The following CCNY variants were observed in gnomAD, a reference collection of about 807,000 sequenced individuals.
CCNY encodes cyclin-Y.
A neutral mutation model predicts 42.8 loss-of-function variants in CCNY; 19 were observed. The ratio of observed to expected loss-of-function variants is 0.44; its 90% CI spans 0.31 to 0.65. The LOEUF (loss-of-function observed/expected upper bound fraction) is 0.65, where lower values mean the gene tolerates loss of function less well. Ranked by LOEUF, CCNY falls within the 30% of genes least tolerant of loss-of-function variation. The probability of loss-of-function intolerance (pLI) is 0.07; values close to 1 mark genes in which losing one functional copy is unlikely to be tolerated. For missense variants in CCNY, 370 were observed against 437.3 expected (o/e 0.85, Z 1.37); for synonymous variants, 165 against 162.7 (o/e 1.01, Z -0.11).
intron 1 of CCNY, chr10:35,449,936 A>C: frequency 3.7e-6 from 1 of 271,588 alleles, no homozygotes; most frequent in Non-Finnish European, 5.6e-6. Context: ...CGGTGGGACC[A>C]GTCAGCAGGA....
At chr10:35,267,164 CG>C (rs2095726405) in intron 3 of CCNY, among the ~76,000 whole-genome samples, 1 of 151,210 alleles carries the variant, frequency 6.6e-6, no homozygotes, top group Admixed American at 6.6e-5. Context: ...CATTCCAGGA[CG>C]GGTGCAGAGT....
At chr10:35,553,281 A>C (rs1233852597) in intron 8 of CCNY, 96 bp downstream of exon 8, 7 of 1,183,346 alleles carry the variant, frequency 5.9e-6, no homozygotes, top group Non-Finnish European at 7.0e-6. Flanking sequence ...TATAGCGCAG[A>C]ATGCATGCAT....
rs141288880 is a variant in CCNY at position 35,429,203 on chromosome 10, G to A, written c.155-54201G>A. Among the ~76,000 whole-genome samples, 273 of 152,254 alleles carry A rather than the reference G, an allele frequency of 1.8e-3. 1 individual carries two copies. The highest frequency in any genetic ancestry group is 6.2e-3 in the African/African-American group (257 of 41,534). On this transcript the variant is annotated intron_variant, in intron 1 of 9. Coordinates refer to ENST00000374704, the MANE Select transcript of CCNY (RefSeq NM_145012.6). ...AGCAACATATTGAAACAGATTGAACGCTGAAGCAGACAGGGGAACCTAGTT... is the reference window on the plus strand; with the variant it reads ...AGCAACATATTGAAACAGATTGAACACTGAAGCAGACAGGGGAACCTAGTT...
At chr10:35,411,665 C>T (rs1350485275) in intron 1 of CCNY, among the ~76,000 whole-genome samples, 1 of 152,062 alleles carries the variant, frequency 6.6e-6, no homozygotes, top group Non-Finnish European at 1.5e-5. Context: ...TTAAGGTGGA[C>T]TATATCTCTT....
At chr10:35,384,007 C>G (rs1358477400) in intron 1 of CCNY, among the ~76,000 whole-genome samples, 1 of 151,910 alleles carries the variant, frequency 6.6e-6, no homozygotes, top group Non-Finnish European at 1.5e-5. Context: ...ATGAAATGTT[C>G]TGTTAAACAC....
chr10:35,568,775 A>G (rs553412968), intron 9 of CCNY, among the ~76,000 whole-genome samples: 7 of 152,362 alleles, frequency 4.6e-5, no homozygotes, highest in African/African-American at 1.7e-4. Flanking sequence ...ATGGGGAGCC[A>G]GCGTTGACCC....
At position 35,566,179 on chromosome 10, in the gene CCNY, G is replaced by A; in HGVS notation, c.903G>A (p.Lys301=). ...CCCTGAGCAGGGAGAGGGCTCACAA[G>A]CTTGAGGTAAGATGGTTTAAAACAG... ...LEPLSRERAH[K]LEAISRLCED... is the part of the protein sequence containing the mutation. Residue 301 remains lysine, a synonymous_variant, in exon 9 of 10, where the codon AAG becomes AAA. Transcript: ENST00000374704. 6.2e-7 allele frequency: 1 copy of A among 1,613,536 alleles called. No homozygotes were observed. Among genetic ancestry groups the A allele is most frequent in the Non-Finnish European group, 8.5e-7 (1 of 1,179,782 alleles).
At chr10:35,426,235 TCA>T (rs148127192) in intron 1 of CCNY, among the ~76,000 whole-genome samples, 31 of 140,748 alleles carry the variant, frequency 2.2e-4, no homozygotes, top group East Asian at 1.0e-3. Context: ...ACATGCCCAT[TCA>T]CACACACACA....
In CCNY at chr10:35,429,355, T is replaced by C. The variant is rs1221099707; in HGVS notation, c.155-54049T>C. The stretch of plus-strand genomic sequence containing the variant: ...TATAACATAAATGAACTTACTATTG[T>C]TATCTTAAAATGAATAAAGAAATAT... On this transcript the variant is annotated intron_variant, in intron 1 of 9. Coordinates refer to ENST00000374704, the MANE Select transcript of CCNY (RefSeq NM_145012.6). Among the ~76,000 whole-genome samples the C allele has an allele frequency of 2.0e-5, 3 of 152,238 alleles. No homozygotes were observed. In the East Asian group the frequency reaches 5.8e-4, roughly 29 times the overall value.
At chr10:35,327,195 A>G (rs1835890291) in intron 3 of CCNY, among the ~76,000 whole-genome samples, 1 of 152,250 alleles carries the variant, frequency 6.6e-6, no homozygotes, top group Admixed American at 6.5e-5. Context: ...AGAGGAAAAA[A>G]AAGTCAACTA....
At chr10:35,323,817 G>T (rs560674762) in intron 3 of CCNY, among the ~76,000 whole-genome samples, 85 of 152,148 alleles carry the variant, frequency 5.6e-4, no homozygotes, top group Non-Finnish European at 1.1e-3. Flanking sequence ...TCAGGAGTTT[G>T]AGACCAGCCT....
intron 1 of CCNY, among the ~76,000 whole-genome samples, chr10:35,430,935 G>A (rs1838380855): frequency 6.6e-6 from 1 of 151,948 alleles, no homozygotes; most frequent in Admixed American, 6.6e-5. Context: ...TGGCCAACAT[G>A]GTGAAACCCC....
chr10:35,343,708 A>C (rs1257891291), intron 1 of CCNY, among the ~76,000 whole-genome samples: 1 of 152,132 alleles, frequency 6.6e-6, no homozygotes, highest in Non-Finnish European at 1.5e-5. Flanking sequence ...TTGCTTTTAC[A>C]TTTCTGGCTA....
At chr10:35,500,156 C>T (rs1280518007) in intron 2 of CCNY, among the ~76,000 whole-genome samples, 1 of 152,258 alleles carries the variant, frequency 6.6e-6, no homozygotes, top group Non-Finnish European at 1.5e-5. Flanking sequence ...GGCCAGGGTG[C>T]CCTGTCCTGT....
chr10:35,514,086 A>AAAC (rs1185861957), intron 3 of CCNY, among the ~76,000 whole-genome samples: 2,234 of 151,114 alleles, frequency 0.015, 40 homozygotes, highest in Middle Eastern at 0.024. Flanking sequence ...AAAAAAAAAA[A>AAAC]AAAAAAAAAA....
chr10:35,384,446 G>A (rs1291549744), intron 1 of CCNY, among the ~76,000 whole-genome samples: 13 of 152,308 alleles, frequency 8.5e-5, no homozygotes, highest in African/African-American at 2.9e-4. Context: ...TAGAGTAGCC[G>A]CCTGTGGAGA....
intron 1 of CCNY, among the ~76,000 whole-genome samples, chr10:35,345,346 G>T (rs867660470): frequency 2.0e-5 from 3 of 152,024 alleles, no homozygotes; most frequent in Non-Finnish European, 4.4e-5. Flanking sequence ...GCGGGTGCCT[G>T]TGGTCCCAGC....
At chr10:35,524,426 T>C (rs1840608156) in intron 4 of CCNY, among the ~76,000 whole-genome samples, 1 of 152,184 alleles carries the variant, frequency 6.6e-6, no homozygotes, top group African/African-American at 2.4e-5. Flanking sequence ...TGGAAGAATA[T>C]AAGAGAGTGA....
intron 4 of CCNY, among the ~76,000 whole-genome samples, chr10:35,517,325 A>C (rs952497245): frequency 6.6e-6 from 1 of 152,232 alleles, no homozygotes; most frequent in African/African-American, 2.4e-5. Context: ...CATTATGGTA[A>C]TAATGACCCT....
Sources: gnomAD v4.1 joint callset for allele counts (sites outside exome capture counted in the v4.1 genomes callset) on GRCh38, gnomAD v4.1.1 for gene constraint, MANE v1.5 for transcripts, NCBI Gene and HGNC (gene_info 2026-07-23, HGNC 2026-07-21) for gene names.